PRKD1: variants seen among roughly 807,000 people sequenced by gnomAD.
PRKD1 encodes protein kinase D1.
In PRKD1, 63 loss-of-function variants were observed where a neutral mutation model predicts 95.9. The ratio of observed to expected loss-of-function variants is 0.66; its 90% CI spans 0.54 to 0.81. The LOEUF is 0.81. PRKD1 is among the 30% of genes least tolerant of loss of function. The pLI is 0.00. For synonymous variants in PRKD1, 425 were observed against 423.1 expected (o/e 1.00, Z -0.05); for missense variants, 1,048 against 1,165.3 (o/e 0.90, Z 1.47).
chr14:29,908,263 T>C (rs1266075626), intron 1 of PRKD1, among the ~76,000 whole-genome samples: 1 of 152,106 alleles, frequency 6.6e-6, no homozygotes, highest in Non-Finnish European at 1.5e-5. Context: ...TATTAACAGA[T>C]AATATCAAAA....
At chr14:29,895,391 A>G (rs541674829) in intron 1 of PRKD1, among the ~76,000 whole-genome samples, 2 of 152,044 alleles carry the variant, frequency 1.3e-5, no homozygotes, top group Admixed American at 1.3e-4. Flanking sequence ...CTGACTGCTC[A>G]CTTTCATATA....
chr14:29,877,065 T>A (rs928488413), intron 1 of PRKD1, among the ~76,000 whole-genome samples: 17 of 152,228 alleles, frequency 1.1e-4, no homozygotes, highest in Middle Eastern at 6.8e-3. Context: ...GGCAGGAGAA[T>A]TGCTTGAGCC....
At chr14:29,588,201 G>A (rs1893003005) in intron 16 of PRKD1, among the ~76,000 whole-genome samples, 2 of 152,176 alleles carry the variant, frequency 1.3e-5, no homozygotes, top group South Asian at 4.1e-4. Flanking sequence ...TTTCAATGGG[G>A]TTATTTTTTT....
At chr14:29,617,113 T>C (rs981272673) in intron 13 of PRKD1, among the ~76,000 whole-genome samples, 2 of 152,206 alleles carry the variant, frequency 1.3e-5, no homozygotes, top group Non-Finnish European at 2.9e-5. Context: ...TCTATCCATG[T>C]TGCTGCAAAG....
chr14:29,692,861 CA>C (rs980764043), intron 2 of PRKD1, among the ~76,000 whole-genome samples: 1 of 152,124 alleles, frequency 6.6e-6, no homozygotes, highest in African/African-American at 2.4e-5. Context: ...CAAATAACCA[CA>C]GTACTTTTCT....
chr14:29,741,603 G>A (rs1009401318), intron 1 of PRKD1, among the ~76,000 whole-genome samples: 1 of 151,988 alleles, frequency 6.6e-6, no homozygotes, highest in African/African-American at 2.4e-5. Context: ...GTTAAAAAAC[G>A]TCAGATAAGG....
intron 1 of PRKD1, chr14:29,812,066 C>T (rs915162160): frequency 1.3e-5 from 2 of 152,092 alleles, no homozygotes; most frequent in South Asian, 4.1e-4. Context: ...ACCCCCAAAC[C>T]CAAAGAGAAC....
At chr14:29,677,398 A>T (rs1004434551) in intron 2 of PRKD1, among the ~76,000 whole-genome samples, 3 of 152,198 alleles carry the variant, frequency 2.0e-5, no homozygotes, top group Non-Finnish European at 4.4e-5. Context: ...ATTTAGATCA[A>T]TCAGAATCCA....
intron 1 of PRKD1, among the ~76,000 whole-genome samples, chr14:29,817,146 T>A (rs1315760124): frequency 2.0e-5 from 3 of 152,216 alleles, no homozygotes; most frequent in Non-Finnish European, 4.4e-5. Flanking sequence ...ATATCTGATA[T>A]CTGTGAAATT....
intron 1 of PRKD1, among the ~76,000 whole-genome samples, chr14:29,915,920 T>C (rs575451766): frequency 1.3e-4 from 20 of 152,326 alleles, no homozygotes; most frequent in African/African-American, 4.8e-4. Context: ...TCTCCAACCT[T>C]TAGTTTCTTC....
chr14:29,615,972 A>G (rs981118119), intron 13 of PRKD1, among the ~76,000 whole-genome samples: 12 of 152,086 alleles, frequency 7.9e-5, no homozygotes, highest in Admixed American at 6.6e-4. Flanking sequence ...AAGGATGGAA[A>G]TGTGAGACTG....
At chr14:29,772,995 T>C (rs1888577736) in intron 1 of PRKD1, among the ~76,000 whole-genome samples, 1 of 152,266 alleles carries the variant, frequency 6.6e-6, no homozygotes, top group South Asian at 2.1e-4. Context: ...TTTAATTTTA[T>C]TGGCACTCGG....
intron 2 of PRKD1, among the ~76,000 whole-genome samples, chr14:29,668,427 A>C (rs1297097495): frequency 6.6e-6 from 1 of 152,174 alleles, no homozygotes; most frequent in African/African-American, 2.4e-5. Context: ...GCAACAAACT[A>C]AACACAATAG....
At chr14:29,637,861 G>A (rs1370408565) in intron 6 of PRKD1, among the ~76,000 whole-genome samples, 1 of 152,146 alleles carries the variant, frequency 6.6e-6, no homozygotes, top group African/African-American at 2.4e-5. Flanking sequence ...TTGGAAAACT[G>A]GTATCAGGCT....
At chr14:29,670,817 C>G (rs1305929950) in intron 2 of PRKD1, among the ~76,000 whole-genome samples, 1 of 152,156 alleles carries the variant, frequency 6.6e-6, no homozygotes, top group African/African-American at 2.4e-5. Flanking sequence ...AACCGTTGTT[C>G]AAGTTAATCT....
chr14:29,850,901 A>G (rs575614226), intron 1 of PRKD1, among the ~76,000 whole-genome samples: 72 of 152,098 alleles, frequency 4.7e-4, no homozygotes, highest in African/African-American at 1.6e-3. Context: ...AAAATTAAAA[A>G]AAAAAACCAA....
intron 1 of PRKD1, among the ~76,000 whole-genome samples, chr14:29,901,032 G>A (rs915968905): frequency 1.3e-5 from 2 of 152,092 alleles, no homozygotes; most frequent in African/African-American, 2.4e-5. Flanking sequence ...AAAGACAAAC[G>A]CACTTACTTG....
rs371574935 is a variant in PRKD1 at position 29,578,342 on chromosome 14, T to C, written c.2453A>G (p.Asn818Ser). Residue 818 changes from asparagine (N) to serine (S), a missense_variant, in exon 17 of 18, where the codon AAT (asparagine) becomes AGT (serine). Asn to Ser is a conservative substitution (Grantham distance 46). Around this residue, in one of 3 missense-constraint regions of PRKD1, gnomAD observed 739 missense variants for 861.9 expected, o/e 0.86. Transcript: ENST00000331968. ...ISHEAIDLIN[N>S]LLQVKMRKRY... ...CTTTCTCATTTTTACTTGCAGCAAA[T>C]TGTTGATAAGATCAATGGCTGAAAA... 110 of 1,610,728 alleles carry C rather than the reference T, an allele frequency of 6.8e-5. No homozygotes were observed. Among genetic ancestry groups the C allele is most frequent in the Admixed American group, 1.7e-4 (10 of 59,634 alleles).
chr14:29,634,296 G>A, intron 8 of PRKD1, 122 bp downstream of exon 8: 1 of 1,438,040 alleles, frequency 7.0e-7, no homozygotes, highest in East Asian at 2.3e-5. Context: ...CTAATCCCGT[G>A]TCATGCCTGT....
Sources: allele counts gnomAD v4.1 joint callset (sites outside exome capture counted in the v4.1 genomes callset), GRCh38; gene constraint gnomAD v4.1.1; regional missense constraint gnomAD v4.1.1; transcripts MANE v1.5; gene names NCBI Gene and HGNC (gene_info 2026-07-23, HGNC 2026-07-21).